Variants in PID1 observed in about 807,000 individuals in gnomAD.
PID1 encodes PTB-containing, cubilin and LRP1-interacting protein.
PID1 carries 10 observed loss-of-function variants against 19.1 expected under a neutral mutation model. The observed-to-expected ratio is 0.52, with a 90% CI of 0.32 to 0.89. The LOEUF is 0.89. Among genes scored for constraint, PID1 ranks in the 40% least tolerant of loss-of-function variants. The pLI, the probability that PID1 is intolerant of heterozygous loss-of-function variation, is 0.03. For synonymous variants in PID1, 130 were observed against 116.0 expected, an observed-to-expected ratio of 1.12 and a Z score of -0.78; for missense variants, 248 against 285.3, an observed-to-expected ratio of 0.87 and a Z score of 0.94.
At chr2:229,248,324 G>C (rs898647554) in intron 1 of PID1, among the ~76,000 whole-genome samples, 8 of 152,104 alleles carry the variant, frequency 5.3e-5, no homozygotes, top group African/African-American at 1.9e-4. Context: ...GAGAATACAT[G>C]CTCCTGGAAC....
intron 2 of PID1, 83 bp downstream of exon 2, chr2:229,155,735 C>T: frequency 2.5e-6 from 3 of 1,212,596 alleles, no homozygotes; most frequent in South Asian, 1.5e-5. Flanking sequence ...AAAATGATTA[C>T]CATTGTGAAA....
intron 2 of PID1, among the ~76,000 whole-genome samples, chr2:229,082,481 G>C (rs367816146): frequency 6.6e-6 from 1 of 152,164 alleles, no homozygotes; most frequent in African/African-American, 2.4e-5. Context: ...AGGAGATGAC[G>C]CAAGTGGGTT....
intron 1 of PID1, among the ~76,000 whole-genome samples, chr2:229,233,777 C>T (rs1160015785): frequency 6.6e-6 from 1 of 152,210 alleles, no homozygotes; most frequent in African/African-American, 2.4e-5. Flanking sequence ...CAGGTGTGAG[C>T]CACCACACCC....
At chr2:229,131,732 A>T (rs1689745138) in intron 2 of PID1, among the ~76,000 whole-genome samples, 1 of 152,212 alleles carries the variant, frequency 6.6e-6, no homozygotes, top group Non-Finnish European at 1.5e-5. Context: ...TTAAAAACCA[A>T]GATTTCAGCT....
chr2:229,025,389 A>C lies in PID1; in HGVS notation c.*243T>G. On this transcript the variant is annotated 3_prime_UTR_variant, in exon 3 of 3. Coordinates refer to ENST00000392055, the MANE Select transcript of PID1 (RefSeq NM_001100818.2). ...GGAAATGAGAAAAATAAGAGAGCCTAGAACCTTCCTCCCCATCCACACTCC... is the reference window on the plus strand; with the variant it reads ...GGAAATGAGAAAAATAAGAGAGCCTCGAACCTTCCTCCCCATCCACACTCC... 1 of 514,024 alleles carries C rather than the reference A, an allele frequency of 1.9e-6. No individual in the cohort carries two copies. The highest frequency in any genetic ancestry group is 3.5e-6 in the Non-Finnish European group (1 of 286,546). The allele number at this position is 514,024 out of a possible 1,614,324, so 31.8% of individuals were successfully genotyped here.
At chr2:229,034,755 G>A (rs1693626362) in intron 2 of PID1, among the ~76,000 whole-genome samples, 1 of 148,774 alleles carries the variant, frequency 6.7e-6, no homozygotes, top group East Asian at 2.0e-4. Flanking sequence ...CCTTTATTGT[G>A]TATATATATA....
intron 2 of PID1, among the ~76,000 whole-genome samples, chr2:229,050,704 G>C (rs1693977033): frequency 6.6e-6 from 1 of 152,060 alleles, no homozygotes; most frequent in African/African-American, 2.4e-5. Context: ...TTAGCCATCT[G>C]GTCACTGAGT....
At chr2:229,210,355 A>G (rs910431670) in intron 1 of PID1, among the ~76,000 whole-genome samples, 1 of 151,502 alleles carries the variant, frequency 6.6e-6, no homozygotes, top group South Asian at 2.1e-4. Context: ...TATTAAAAAT[A>G]CAAAAGAATT....
intron 1 of PID1, among the ~76,000 whole-genome samples, chr2:229,172,273 T>TC (rs1690725875): frequency 2.6e-5 from 4 of 152,172 alleles, no homozygotes; most frequent in African/African-American, 9.7e-5. Flanking sequence ...CACAGGCAAG[T>TC]TTGAAATATT....
intron 1 of PID1, among the ~76,000 whole-genome samples, chr2:229,232,237 C>T (rs1692226060): frequency 6.6e-6 from 1 of 151,928 alleles, no homozygotes. Flanking sequence ...TCCTGGCTAA[C>T]ACAGTGAAAC....
intron 1 of PID1, among the ~76,000 whole-genome samples, chr2:229,197,518 C>T (rs1691402882): frequency 6.6e-6 from 1 of 151,860 alleles, no homozygotes; most frequent in Admixed American, 6.6e-5. Flanking sequence ...TATGTAATCG[C>T]ATATTATGAA....
intron 1 of PID1, among the ~76,000 whole-genome samples, chr2:229,221,675 C>T (rs1691972558): frequency 6.6e-6 from 1 of 152,162 alleles, no homozygotes; most frequent in Admixed American, 6.5e-5. Flanking sequence ...TAATCATGCT[C>T]AAGTTCCACC....
intron 2 of PID1, among the ~76,000 whole-genome samples, chr2:229,070,308 G>C (rs1397329262): frequency 6.6e-6 from 1 of 152,192 alleles, no homozygotes; most frequent in Non-Finnish European, 1.5e-5. Flanking sequence ...GTGACATTAA[G>C]ACTGCTACTT....
intron 2 of PID1, among the ~76,000 whole-genome samples, chr2:229,140,487 G>GCACACA (rs76485938): frequency 0.074 from 11,163 of 151,208 alleles, 495 homozygotes; most frequent in South Asian, 0.22. Flanking sequence ...TTAAAAGAGT[G>GCACACA]CACACACACA....
chr2:229,168,120 G>C (rs918203094), intron 1 of PID1, among the ~76,000 whole-genome samples: 1 of 152,020 alleles, frequency 6.6e-6, no homozygotes, highest in Non-Finnish European at 1.5e-5. Flanking sequence ...CAACTGTTTG[G>C]ATATAATGAA....
At chr2:229,140,302 T>C (rs892673267) in intron 2 of PID1, among the ~76,000 whole-genome samples, 1 of 152,118 alleles carries the variant, frequency 6.6e-6, no homozygotes, top group South Asian at 2.1e-4. Context: ...AGAAGTATCC[T>C]AAGGGAGGGT....
intron 2 of PID1, among the ~76,000 whole-genome samples, chr2:229,040,489 G>A (rs1018152645): frequency 6.6e-6 from 1 of 152,114 alleles, no homozygotes; most frequent in Non-Finnish European, 1.5e-5. Context: ...TAAAATAATG[G>A]GGATGTGGGA....
intron 1 of PID1, among the ~76,000 whole-genome samples, chr2:229,212,134 C>A (rs994763723): frequency 4.6e-5 from 7 of 152,034 alleles, no homozygotes; most frequent in African/African-American, 1.7e-4. Context: ...TCTGAATTTG[C>A]ATTTTTGGAG....
chr2:229,205,743 C>A lies in PID1; in HGVS notation c.31-49779G>T, dbSNP rs1281390607. Among the ~76,000 whole-genome samples, 3 of 152,098 alleles carry A rather than the reference C, an allele frequency of 2.0e-5. No homozygotes were observed. In the East Asian group the frequency reaches 5.8e-4, roughly 29 times the overall value. On this transcript the variant is annotated intron_variant, in intron 1 of 2. Transcript: ENST00000392055. ...TACTTAAGAGATGCAAAAGGCCTGG[C>A]AAGAGTATTTATTTCCTGCAAGAAT... is the stretch of plus-strand genomic sequence containing the variant.
Sources: allele counts gnomAD v4.1 joint callset (sites outside exome capture counted in the v4.1 genomes callset), GRCh38; gene constraint gnomAD v4.1.1; transcripts MANE v1.5; gene names NCBI Gene and HGNC (gene_info 2026-07-23, HGNC 2026-07-21).